Variants in RGS14 observed in about 807,000 individuals in gnomAD.
RGS14 encodes regulator of G-protein signaling 14.
RGS14 carries 33 observed loss-of-function variants against 63.8 expected under a neutral mutation model. That is an observed-to-expected ratio of 0.52 (90% CI 0.39 to 0.69). The LOEUF (loss-of-function observed/expected upper bound fraction) is 0.69, where lower values mean the gene tolerates loss of function less well. RGS14 is among the 30% of genes least tolerant of loss of function. RGS14 has a pLI of 0.00. For missense variants in RGS14, 739 were observed against 742.9 expected, an observed-to-expected ratio of 0.99 and a Z score of 0.06; for synonymous variants, 296 against 320.9, an observed-to-expected ratio of 0.92 and a Z score of 0.83.
At position 177,366,334 on chromosome 5, in the gene RGS14, G is replaced by A; in HGVS notation, c.225G>A (p.Pro75=). 1.3e-6 allele frequency: 2 copies of A among 1,548,560 alleles called. No homozygotes were observed. The highest frequency in any genetic ancestry group is 1.7e-6 in the Non-Finnish European group (2 of 1,146,534). The part of the protein sequence containing the change: ...ALSFERLLQD[P]LGLAYFTEFL... ...CCTTCGAGCGGCTGTTGCAGGACCC[G>A]CTGGGCCTGGCTTACTTCACTGTAA... Residue 75 remains proline (P), a synonymous_variant, in exon 3 of 15, where the codon CCG becomes CCA. Transcript: ENST00000408923.
chr5:177,369,533 G>A (rs1240435972), intron 9 of RGS14, among the ~76,000 whole-genome samples: 1 of 152,198 alleles, frequency 6.6e-6, no homozygotes, highest in East Asian at 1.9e-4. Context: ...CTGAAAGTAA[G>A]CCAAGCAGGG....
intron 1 of RGS14, among the ~76,000 whole-genome samples, chr5:177,361,712 C>A (rs1208964539): frequency 3.9e-5 from 6 of 152,114 alleles, no homozygotes; most frequent in Non-Finnish European, 5.9e-5. Context: ...GCCACACAGT[C>A]AAAGCTCAGG....
rs1227765592 is a variant in RGS14, at chr5:177,358,088, C to T, written c.45+19C>T. The T allele has an allele frequency of 7.5e-7, 1 of 1,331,474 alleles. No homozygotes were observed. Among genetic ancestry groups the T allele is most frequent in the Non-Finnish European group, 9.7e-7 (1 of 1,031,062 alleles). 82.5% of individuals were successfully genotyped at this position (1,331,474 alleles called of 1,614,324 possible). ...GCGCATGGTGAGTGTGGGCTCCGGGCCAGGGCCACGAGGAGGGGGTGGGCA... is the reference window on the plus strand; with the variant it reads ...GCGCATGGTGAGTGTGGGCTCCGGGTCAGGGCCACGAGGAGGGGGTGGGCA... On this transcript the variant is annotated intron_variant, in intron 1 of 14. Coordinates refer to ENST00000408923, the MANE Select transcript of RGS14 (RefSeq NM_006480.5). This position sits in a 1 kb window ranked among gnomAD's most constrained non-coding sequence, Gnocchi z 4.8.
Position 177,368,208 on chromosome 5 carries a change from T to C in RGS14, c.791T>C (p.Leu264Pro). 6.2e-7 allele frequency: 1 copy of C among 1,613,992 alleles called. No individual in the cohort carries two copies. Among genetic ancestry groups the C allele is most frequent in the South Asian group, 1.1e-5 (1 of 91,076 alleles). Reference protein sequence around the residue: ...AALRRESQGSLNSSASLDLGF... With the variant: ...AALRRESQGSPNSSASLDLGF... ...TTGCGCCGAGAGTCTCAGGGCTCCC[T>C]CAACTCCTCCGCCAGCCTGGACCTT... is the stretch of plus-strand genomic sequence containing the variant. Residue 264 changes from leucine (L) to proline (P), a missense_variant, in exon 8 of 15, where the codon CTC becomes CCC. By Grantham distance (98) the Leu-to-Pro change is moderately conservative. Coordinates refer to ENST00000408923, the MANE Select transcript of RGS14 (RefSeq NM_006480.5).
intron 2 of RGS14, 96 bp downstream of exon 2, chr5:177,366,080 G>C: frequency 6.3e-7 from 1 of 1,580,460 alleles, no homozygotes; most frequent in Non-Finnish European, 8.7e-7. Flanking sequence ...TCTTTCCAGG[G>C]AACATGGCTG....
At chr5:177,366,380 A>AG (rs1191040728) in intron 3 of RGS14, 25 bp downstream of exon 3, 4 of 1,523,028 alleles carry the variant, frequency 2.6e-6, no homozygotes, top group Admixed American at 2.0e-5. Flanking sequence ...GGGAAAGGGA[A>AG]GGGGGGACAC....
chr5:177,359,850 T>C lies in RGS14; in HGVS notation c.45+1781T>C, dbSNP rs1285310029. Among the ~76,000 whole-genome samples, 1 of 152,170 alleles carries C rather than the reference T, an allele frequency of 6.6e-6. No individual in the cohort carries two copies. The highest frequency in any genetic ancestry group is 1.5e-5 in the Non-Finnish European group (1 of 68,032). On this transcript the variant is annotated intron_variant, in intron 1 of 14. Transcript: ENST00000408923. This position sits in a 1 kb window ranked among gnomAD's most constrained non-coding sequence, Gnocchi z 4.4. Reference sequence around the variant, plus strand: ...GAGGGGCGCCTGGGGGACAGGTATGTCTGGTCCCTCCATGAGTTACCTCCC... The same window carrying C: ...GAGGGGCGCCTGGGGGACAGGTATGCCTGGTCCCTCCATGAGTTACCTCCC...
intron 1 of RGS14, among the ~76,000 whole-genome samples, chr5:177,360,921 C>T (rs909204016): frequency 6.6e-6 from 1 of 152,180 alleles, no homozygotes; most frequent in Admixed American, 6.5e-5. Flanking sequence ...TAGCTCCATG[C>T]ACCGTGTTGT....
rs1488057960 is a variant in RGS14 at position 177,364,573 on chromosome 5, G to A, written c.46-1390G>A. 6.6e-6 allele frequency among the ~76,000 whole-genome samples: 1 copy of A among 152,166 alleles called. No homozygotes were observed. Among genetic ancestry groups the A allele is most frequent in the East Asian group, 1.9e-4 (1 of 5,196 alleles). On this transcript the variant is annotated intron_variant, in intron 1 of 14. Coordinates refer to ENST00000408923, the MANE Select transcript of RGS14 (RefSeq NM_006480.5). The surrounding 1 kb of genome is among the most constrained non-coding windows in gnomAD (Gnocchi z 4.6). ...CAAGTCAGGGGTGATAGGCGCTGGA[G>A]CCGTTACCAGGAAGTTGGTTATGTG... is the stretch of plus-strand genomic sequence containing the variant.
intron 9 of RGS14, among the ~76,000 whole-genome samples, chr5:177,369,260 T>C (rs750869408): frequency 6.6e-6 from 1 of 152,160 alleles, no homozygotes; most frequent in Non-Finnish European, 1.5e-5. Flanking sequence ...TGGGGTGCCC[T>C]CACCTCCTTA....
rs770128163 is a variant in RGS14 at position 177,366,178 on chromosome 5, G to A, written c.69G>A (p.Glu23=). 22 of 1,605,978 alleles carry A rather than the reference G, an allele frequency of 1.4e-5. No homozygotes were observed. The highest frequency in any genetic ancestry group is 2.2e-5 in the East Asian group (1 of 44,854). The change falls in exon 3 of 15, where the codon GAG becomes GAA. Residue 23 remains glutamate (E), a splice_region_variant and synonymous_variant. Transcript: ENST00000408923. ...CCCAACTTGTCCATCCCCCTGCAGAGCTGAGCAGCACGACGGGGCCCCAGG... is the reference window on the plus strand; with the variant it reads ...CCCAACTTGTCCATCCCCCTGCAGAACTGAGCAGCACGACGGGGCCCCAGG... ...GRMVLAVSDG[E]LSSTTGPQGQ...
In RGS14 at chr5:177,367,377, C is replaced by T. The variant is rs763692717; in HGVS notation, c.484-37C>T. Reference sequence around the variant, plus strand: ...GTGCAGGCAGCCCAGCGCCCCCACCCCAGCCCCGGCTCACCTGTTCCGGGG... The same window carrying T: ...GTGCAGGCAGCCCAGCGCCCCCACCTCAGCCCCGGCTCACCTGTTCCGGGG... On this transcript the variant is annotated intron_variant, in intron 5 of 14. Transcript: ENST00000408923. The T allele has an allele frequency of 1.7e-5, 27 of 1,560,004 alleles. No homozygotes were observed. In the South Asian group the frequency reaches 2.8e-4, roughly 16 times the overall value.
chr5:177,371,073 CCGGGGCCGGGGCCGGGGCCGGGGCCGGGG>C lies in RGS14; in HGVS notation c.1254+44_1255-62del. 1 of 154,308 alleles carries C rather than the reference CCGGGGCCGGGGCCGGGGCCGGGGCCGGGG, an allele frequency of 6.5e-6. No homozygotes were observed. The highest frequency in any genetic ancestry group is 8.0e-6 in the Non-Finnish European group (1 of 124,756). The allele number at this position is 154,308 out of a possible 1,614,324, so 9.6% of individuals were successfully genotyped here. A position where few individuals can be genotyped will look rare whatever the true frequency, so the allele number is the denominator to read the frequency against. On this transcript the variant is annotated intron_variant, in intron 11 of 14. Transcript: ENST00000408923. The surrounding 1 kb of genome is among the most constrained non-coding windows in gnomAD (Gnocchi z 6.1). ...CGGGGCGGGGCGGGGCGGGGCCGGG[CCGGGGCCGGGGCCGGGGCCGGGGCCGGGG>C]CCGGGGCCGGGGCCGGGGCCGGGCG...
chr5:177,366,824 C>G (rs1762105615), intron 4 of RGS14, 24 bp downstream of exon 4: 1 of 1,613,864 alleles, frequency 6.2e-7, no homozygotes, highest in Admixed American at 1.7e-5. Context: ...GAGCTGGGGC[C>G]GAGGGCTGGG....
At chr5:177,360,678 C>T (rs1011520452) in intron 1 of RGS14, among the ~76,000 whole-genome samples, 1 of 151,674 alleles carries the variant, frequency 6.6e-6, no homozygotes, top group Non-Finnish European at 1.5e-5. Context: ...CTTTAGGAGG[C>T]CGAGGCGGGC....
In RGS14 at chr5:177,367,004, G is replaced by T; in HGVS notation, c.453G>T (p.Arg151=). 1 of 1,612,690 alleles carries T rather than the reference G, an allele frequency of 6.2e-7. No homozygotes were observed. Among genetic ancestry groups the T allele is most frequent in the Non-Finnish European group, 8.5e-7 (1 of 1,179,776 alleles). Residue 151 remains arginine (R), a synonymous_variant, in exon 5 of 15, where the codon CGG becomes CGT. Transcript: ENST00000408923. ...WLGEEVLAEP[R]PDMFRAQQLQ... ...GCGAGGAGGTGCTGGCCGAGCCCCG[G>T]CCGGACATGTTTCGGGCACAGCAGC...
intron 9 of RGS14, among the ~76,000 whole-genome samples, chr5:177,369,494 G>A (rs1177654586): frequency 6.6e-6 from 1 of 152,178 alleles, no homozygotes; most frequent in Non-Finnish European, 1.5e-5. Context: ...GAGGAACCTA[G>A]ATCTGGGGCT....
chr5:177,370,656 C>G lies in RGS14; in HGVS notation c.1119C>G (p.Ile373Met). The change falls in exon 10 of 15, where the codon ATC becomes ATG. Residue 373 changes from isoleucine to methionine, a missense_variant. Coordinates refer to ENST00000408923, the MANE Select transcript of RGS14 (RefSeq NM_006480.5). ...AGGAAGTGCGGCTGGAAAACAGGAT[C>G]ACCTTCGAGTGAGTGTCCTGCCCCC... ...ADQEVRLENR[I>M]TFELELTALE... 6.2e-7 allele frequency: 1 copy of G among 1,614,014 alleles called. No homozygotes were observed. The highest frequency in any genetic ancestry group is 1.1e-5 in the South Asian group (1 of 91,082).
chr5:177,366,979 G>A lies in RGS14; in HGVS notation c.428G>A (p.Gly143Asp), dbSNP rs778526422. 1 of 1,613,666 alleles carries A rather than the reference G, an allele frequency of 6.2e-7. No individual in the cohort carries two copies. The highest frequency in any genetic ancestry group is 8.5e-7 in the Non-Finnish European group (1 of 1,180,002). ...PVNIDRQAWL[G>D]EEVLAEPRPD... ...AACATCGACCGTCAGGCCTGGCTTGGCGAGGAGGTGCTGGCCGAGCCCCGG... is the reference window on the plus strand; with the variant it reads ...AACATCGACCGTCAGGCCTGGCTTGACGAGGAGGTGCTGGCCGAGCCCCGG... Residue 143 changes from glycine to aspartate, a missense_variant, in exon 5 of 15, where the codon GGC (glycine) becomes GAC (aspartate). Physicochemically the swap from Gly to Asp is moderately conservative, Grantham distance 94. Transcript: ENST00000408923.
Sources: allele counts gnomAD v4.1 joint callset (sites outside exome capture counted in the v4.1 genomes callset), GRCh38; gene constraint gnomAD v4.1.1; non-coding constraint Gnocchi (gnomAD v3.1); transcripts MANE v1.5; gene names NCBI Gene and HGNC (gene_info 2026-07-23, HGNC 2026-07-21).